RBFOX2: variants seen among roughly 807,000 people sequenced by gnomAD.
RBFOX2 encodes the protein RNA binding protein fox-1 homolog 2.
RBFOX2 carries 10 observed loss-of-function variants against 49.1 expected under a neutral mutation model. The observed-to-expected ratio is 0.20, with a 90% CI of 0.13 to 0.35. The LOEUF is 0.35. Among genes scored for constraint, RBFOX2 ranks in the 10% least tolerant of loss-of-function variants. The pLI is 1.00. For synonymous variants in RBFOX2, 183 were observed against 187.4 expected, an observed-to-expected ratio of 0.98 and a Z score of 0.19; for missense variants, 323 against 486.9, an observed-to-expected ratio of 0.66 and a Z score of 3.17.
chr22:35,827,166 TA>T (rs1955938146), intron 1 of RBFOX2, among the ~76,000 whole-genome samples: 2 of 152,240 alleles, frequency 1.3e-5, no homozygotes, highest in African/African-American at 4.8e-5. Flanking sequence ...TCAAAGAGTC[TA>T]AATATTGCTT....
intron 1 of RBFOX2, among the ~76,000 whole-genome samples, chr22:35,834,375 T>C (rs969148601): frequency 6.6e-6 from 1 of 152,198 alleles, no homozygotes. Context: ...ATTTTTATTA[T>C]GACTATGTGC....
intron 5 of RBFOX2, among the ~76,000 whole-genome samples, chr22:35,766,002 C>A (rs1474176375): frequency 1.3e-5 from 2 of 152,176 alleles, no homozygotes; most frequent in Non-Finnish European, 2.9e-5. Flanking sequence ...GATTCCCCTG[C>A]TGACAGCCTT....
chr22:35,923,912 G>A (rs144458467), intron 1 of RBFOX2, among the ~76,000 whole-genome samples: 7 of 149,584 alleles, frequency 4.7e-5, no homozygotes, highest in Non-Finnish European at 7.4e-5. Context: ...GTTTGCTGCT[G>A]AGCAAAGAAA....
chr22:35,834,601 C>T (rs557719063), intron 1 of RBFOX2, among the ~76,000 whole-genome samples: 1 of 152,162 alleles, frequency 6.6e-6, no homozygotes, highest in South Asian at 2.1e-4. Context: ...AGGGAGAGGT[C>T]GCCCTTGAGA....
At chr22:35,933,819 C>T (rs2052699650) in intron 1 of RBFOX2, among the ~76,000 whole-genome samples, 2 of 151,556 alleles carry the variant, frequency 1.3e-5, no homozygotes, top group Middle Eastern at 3.4e-3. Context: ...GCCCCCAAGC[C>T]CTTTCTTCTC....
chr22:35,796,567 A>C (rs951243780), intron 2 of RBFOX2, among the ~76,000 whole-genome samples: 2 of 152,212 alleles, frequency 1.3e-5, no homozygotes, highest in Admixed American at 1.3e-4. Flanking sequence ...TCAAAACTTG[A>C]CAAGTGGTAC....
At chr22:35,744,881 A>G (rs1370925602) in intron 11 of RBFOX2, among the ~76,000 whole-genome samples, 2 of 152,190 alleles carry the variant, frequency 1.3e-5, no homozygotes, top group Non-Finnish European at 2.9e-5. Context: ...GACTTTATCT[A>G]ATGGCTTATC....
At chr22:35,931,281 C>G (rs2052368683) in intron 1 of RBFOX2, among the ~76,000 whole-genome samples, 1 of 149,228 alleles carries the variant, frequency 6.7e-6, no homozygotes, top group Non-Finnish European at 1.5e-5. Context: ...TTCACACTTC[C>G]TGTAATTTAA....
chr22:35,984,265 C>T (rs1412316349), intron 1 of RBFOX2, among the ~76,000 whole-genome samples: 1 of 152,178 alleles, frequency 6.6e-6, no homozygotes, highest in East Asian at 1.9e-4. Context: ...AGGGTATGGC[C>T]TAAGCACTGA....
chr22:35,836,912 A>G (rs562494931), intron 1 of RBFOX2, among the ~76,000 whole-genome samples: 111 of 152,340 alleles, frequency 7.3e-4, no homozygotes, highest in Non-Finnish European at 1.4e-3. Context: ...CATATTCCAT[A>G]TTGCTATTTT....
intron 1 of RBFOX2, among the ~76,000 whole-genome samples, chr22:35,832,008 A>G (rs953710645): frequency 6.6e-6 from 1 of 152,212 alleles, no homozygotes; most frequent in Admixed American, 6.5e-5. Context: ...TTAGGAGTTC[A>G]AGGTAATATC....
At chr22:35,923,983 C>T (rs1196529559) in intron 1 of RBFOX2, among the ~76,000 whole-genome samples, 1 of 152,024 alleles carries the variant, frequency 6.6e-6, no homozygotes, top group African/African-American at 2.4e-5. Context: ...AATAAATGCC[C>T]AGTGCAAATA....
intron 1 of RBFOX2, among the ~76,000 whole-genome samples, chr22:35,867,253 C>T (rs921763075): frequency 3.9e-5 from 6 of 152,146 alleles, no homozygotes; most frequent in African/African-American, 1.4e-4. Flanking sequence ...CCATCAAATA[C>T]CACACTTGAA....
intron 1 of RBFOX2, among the ~76,000 whole-genome samples, chr22:35,876,991 A>G (rs2045201550): frequency 6.6e-6 from 1 of 152,342 alleles, no homozygotes; most frequent in African/African-American, 2.4e-5. Context: ...ATCACTGACT[A>G]AGAAAGTAGA....
intron 1 of RBFOX2, among the ~76,000 whole-genome samples, chr22:36,010,986 C>T (rs2058801235): frequency 6.6e-6 from 1 of 152,138 alleles, no homozygotes; most frequent in African/African-American, 2.4e-5. Flanking sequence ...CACAATTCAA[C>T]ACAAAACTTA....
At chr22:35,885,046 G>A (rs1287191963) in intron 1 of RBFOX2, among the ~76,000 whole-genome samples, 1 of 151,940 alleles carries the variant, frequency 6.6e-6, no homozygotes, top group Non-Finnish European at 1.5e-5. Flanking sequence ...TCCAATATTA[G>A]AGCAACTTGT....
intron 11 of RBFOX2, 64 bp from the exon 14 acceptor site, chr22:35,744,313 A>G: frequency 6.9e-7 from 1 of 1,452,100 alleles, no homozygotes; most frequent in Non-Finnish European, 9.4e-7. Context: ...ACAGTGAAGA[A>G]AAATGTCCAG....
chr22:35,902,527 T>C (rs1170228012), intron 1 of RBFOX2, among the ~76,000 whole-genome samples: 1 of 152,092 alleles, frequency 6.6e-6, no homozygotes, highest in Non-Finnish European at 1.5e-5. Flanking sequence ...TGCCAAGCAA[T>C]CCACCAAAGC....
chr22:35,867,108 C>A (rs1423509712), intron 1 of RBFOX2, among the ~76,000 whole-genome samples: 2 of 152,004 alleles, frequency 1.3e-5, no homozygotes, highest in Non-Finnish European at 2.9e-5. Flanking sequence ...AACGTACTTT[C>A]AAATGGTTCA....
Sources: allele counts gnomAD v4.1 joint callset (sites outside exome capture counted in the v4.1 genomes callset), GRCh38; gene constraint gnomAD v4.1.1; transcripts MANE v1.5; gene names NCBI Gene and HGNC (gene_info 2026-07-23, HGNC 2026-07-21).